Variants in SPAG16 observed in about 807,000 individuals in gnomAD.
SPAG16 encodes sperm associated antigen 16, also known as sperm-associated antigen 16 protein.
A neutral mutation model predicts 80.4 loss-of-function variants in SPAG16; 86 were observed. That is an observed-to-expected ratio of 1.07 (90% confidence interval 0.90 to 1.28). SPAG16 has a LOEUF of 1.28. SPAG16 is among the 50% of genes most tolerant of loss of function. SPAG16 has a pLI of 0.00. For missense variants in SPAG16, 870 were observed against 765.3 expected, an observed-to-expected ratio of 1.14 and a Z score of -1.61; for synonymous variants, 294 against 265.9, an observed-to-expected ratio of 1.11 and a Z score of -1.03.
intron 9 of SPAG16, among the ~76,000 whole-genome samples, chr2:213,454,218 C>CA (rs1002551953): frequency 6.6e-6 from 1 of 151,824 alleles, no homozygotes; most frequent in Non-Finnish European, 1.5e-5. Context: ...TAATAGAAAA[C>CA]AAAAAAATTA....
intron 15 of SPAG16, among the ~76,000 whole-genome samples, chr2:214,342,446 A>T (rs990999976): frequency 2.0e-5 from 3 of 152,122 alleles, no homozygotes; most frequent in African/African-American, 7.2e-5. Context: ...ACAGGAAGGG[A>T]ACCCTATTGT....
At chr2:213,976,263 CAT>C (rs201076602) in intron 12 of SPAG16, among the ~76,000 whole-genome samples, 2,904 of 150,796 alleles carry the variant, frequency 0.019, 50 homozygotes, top group South Asian at 0.038. Flanking sequence ...TATATACACA[CAT>C]ATACATATGC....
In SPAG16 at chr2:213,440,556, AAACAAC is replaced by A. The variant is rs368614647; in HGVS notation, c.943-49383_943-49378del. 1.3e-3 allele frequency among the ~76,000 whole-genome samples: 194 copies of A among 151,732 alleles called. 5 individuals are homozygous for A. The East Asian group carries it at 0.027, about 21-fold the overall frequency. On this transcript the variant is annotated intron_variant, in intron 9 of 15. Transcript: ENST00000331683. ...GGTGACAGAGCGAGACTCCATCTCAAAACAACAACAACAACAACAACAACAACAAAT... is the reference window on the plus strand; with the variant it reads ...GGTGACAGAGCGAGACTCCATCTCAAAACAACAACAACAACAACAACAAAT...
chr2:213,836,217 T>G (rs2125739319), intron 10 of SPAG16, among the ~76,000 whole-genome samples: 1 of 135,530 alleles, frequency 7.4e-6, no homozygotes, highest in Middle Eastern at 4.1e-3. Flanking sequence ...ATAAAAACAG[T>G]TTTGTGGATA....
intron 12 of SPAG16, among the ~76,000 whole-genome samples, chr2:213,959,354 G>A (rs1267157097): frequency 1.3e-5 from 2 of 151,980 alleles, no homozygotes; most frequent in Non-Finnish European, 2.9e-5. Flanking sequence ...CCACCTTCAG[G>A]CTTGATGTAA....
rs1009992281 is a variant in SPAG16, at chr2:213,431,243, A to G, written c.942+56124A>G. On this transcript the variant is annotated intron_variant, in intron 9 of 15. Coordinates refer to ENST00000331683, the MANE Select transcript of SPAG16 (RefSeq NM_024532.5). The stretch of plus-strand genomic sequence containing the variant: ...AAACGGAGGGGAAAAAAAAGAATCT[A>G]CAAAACAACTAGATAACAATTAATA... Among the ~76,000 whole-genome samples, 5 of 152,276 alleles carry G rather than the reference A, an allele frequency of 3.3e-5. No individual in the cohort carries two copies. The South Asian group carries it at 1.0e-3, about 32-fold the overall frequency.
intron 10 of SPAG16, among the ~76,000 whole-genome samples, chr2:213,634,524 C>T (rs1199471562): frequency 6.6e-6 from 1 of 152,116 alleles, no homozygotes; most frequent in Non-Finnish European, 1.5e-5. Flanking sequence ...GAGTTTCATA[C>T]ATTCATGTGA....
Position 213,996,353 on chromosome 2 carries a change from G to T in SPAG16, c.1401-17598G>T, listed in dbSNP as rs112118462. Among the ~76,000 whole-genome samples, 956 of 152,174 alleles carry T rather than the reference G, an allele frequency of 6.3e-3. 7 individuals carry two copies. Among genetic ancestry groups the T allele is most frequent in the African/African-American group, 0.022 (916 of 41,516 alleles). ...GCATTATGCATGTAACTATTTCAGA[G>T]ACATGGAAATTAAATCATATTTAAG... On this transcript the variant is annotated intron_variant, in intron 12 of 15. Coordinates refer to ENST00000331683, the MANE Select transcript of SPAG16 (RefSeq NM_024532.5).
At chr2:213,999,816 GA>G (rs954536398) in intron 12 of SPAG16, among the ~76,000 whole-genome samples, 1 of 152,222 alleles carries the variant, frequency 6.6e-6, no homozygotes, top group African/African-American at 2.4e-5. Context: ...CATTATTTTG[GA>G]GCTTTAAAAT....
At chr2:213,314,377 AAGTC>A (rs2063319545) in intron 4 of SPAG16, among the ~76,000 whole-genome samples, 2 of 149,622 alleles carry the variant, frequency 1.3e-5, no homozygotes, top group South Asian at 2.1e-4. Context: ...AAAAAATAAA[AAGTC>A]AGGATATTTG....
At chr2:213,760,366 A>G (rs1337836675) in intron 10 of SPAG16, among the ~76,000 whole-genome samples, 1 of 152,222 alleles carries the variant, frequency 6.6e-6, no homozygotes, top group Non-Finnish European at 1.5e-5. Context: ...TAATACAGTA[A>G]GAAGTTATAA....
chr2:214,301,031 A>C (rs1187951120), intron 15 of SPAG16, among the ~76,000 whole-genome samples: 1 of 20,944 alleles, frequency 4.8e-5, no homozygotes, highest in South Asian at 2.1e-3. Flanking sequence ...CTTAAAGTAT[A>C]ATAATAATAA....
intron 15 of SPAG16, among the ~76,000 whole-genome samples, chr2:214,342,600 T>G (rs532433126): frequency 1.3e-5 from 2 of 152,118 alleles, no homozygotes; most frequent in African/African-American, 2.4e-5. Context: ...GTCTACATTA[T>G]GGTCAGTTGT....
chr2:213,459,299 A>AT (rs1310743574), intron 9 of SPAG16, among the ~76,000 whole-genome samples: 2 of 151,732 alleles, frequency 1.3e-5, no homozygotes, highest in African/African-American at 4.8e-5. Flanking sequence ...GTTTGGTTTT[A>AT]TTTTTTTCTT....
intron 3 of SPAG16, among the ~76,000 whole-genome samples, chr2:213,300,116 A>C (rs549103442): frequency 1.1e-3 from 163 of 152,240 alleles, no homozygotes; most frequent in Admixed American, 2.5e-3. Flanking sequence ...ATACTGCTGT[A>C]ATTACGTAAT....
intron 10 of SPAG16, among the ~76,000 whole-genome samples, chr2:213,836,182 C>CG (rs961543023): frequency 1.4e-5 from 2 of 143,966 alleles, no homozygotes; most frequent in African/African-American, 2.5e-5. Context: ...ATTCGCCCCC[C>CG]CCCCCATTTC....
rs56068983 is a variant in SPAG16 at position 213,885,164 on chromosome 2, A to G, written c.1214+22536A>G. Reference sequence around the variant, plus strand: ...TTCTGGATGTTTTTAGACAGCCAATATGCTCTCTGTAGGGTCTTTATCTGT... The same window carrying G: ...TTCTGGATGTTTTTAGACAGCCAATGTGCTCTCTGTAGGGTCTTTATCTGT... On this transcript the variant is annotated intron_variant, in intron 11 of 15. Transcript: ENST00000331683. Among the ~76,000 whole-genome samples, 839 of 152,266 alleles carry G rather than the reference A, an allele frequency of 5.5e-3. 14 individuals carry two copies. Among genetic ancestry groups the G allele is most frequent in the African/African-American group, 0.019 (796 of 41,552 alleles).
At chr2:214,380,730 A>G (rs1700401244) in intron 15 of SPAG16, among the ~76,000 whole-genome samples, 1 of 152,270 alleles carries the variant, frequency 6.6e-6, no homozygotes, top group South Asian at 2.1e-4. Flanking sequence ...TTTAAATCAC[A>G]GAATAGAAAT....
At chr2:213,815,130 T>C (rs560997020) in intron 10 of SPAG16, among the ~76,000 whole-genome samples, 1 of 152,244 alleles carries the variant, frequency 6.6e-6, no homozygotes, top group African/African-American at 2.4e-5. Context: ...TTCTGGGCAA[T>C]CAAGTTTCAA....
Sources: allele counts gnomAD v4.1 joint callset (sites outside exome capture counted in the v4.1 genomes callset), GRCh38; gene constraint gnomAD v4.1.1; transcripts MANE v1.5; gene names NCBI Gene and HGNC (gene_info 2026-07-23, HGNC 2026-07-21).